The following TJP2 variants were observed in gnomAD, a reference collection of about 807,000 sequenced individuals.
TJP2 encodes tight junction protein 2, also known as Friedreich ataxia region gene X104 (tight junction protein ZO-2).
In TJP2, 91 loss-of-function variants were observed where a neutral mutation model predicts 133.1. The ratio of observed to expected loss-of-function variants is 0.68; its 90% CI spans 0.58 to 0.81. The LOEUF (loss-of-function observed/expected upper bound fraction) is 0.81. Ranked by LOEUF, TJP2 falls within the 40% of genes least tolerant of loss-of-function variation. TJP2 has a pLI of 0.00. For missense variants in TJP2, 1,541 were observed against 1,565.6 expected, an observed-to-expected ratio of 0.98 and a Z score of 0.26; for synonymous variants, 592 against 583.4, an observed-to-expected ratio of 1.01 and a Z score of -0.21.
chr9:69,154,491 A>G (rs1184613031), intron 2 of TJP2, among the ~76,000 whole-genome samples: 1 of 152,162 alleles, frequency 6.6e-6, no homozygotes. Flanking sequence ...GGCTTTGATT[A>G]TCACCTTTCT....
intron 17 of TJP2, among the ~76,000 whole-genome samples, chr9:69,244,192 A>G (rs1830767437): frequency 6.6e-6 from 1 of 151,504 alleles, no homozygotes; most frequent in African/African-American, 2.4e-5. Flanking sequence ...AGGAAAAAAA[A>G]AAAAAAAAAA....
intron 11 of TJP2, among the ~76,000 whole-genome samples, chr9:69,234,197 T>A (rs1829993163): frequency 1.3e-5 from 2 of 152,082 alleles, no homozygotes; most frequent in Admixed American, 1.3e-4. Context: ...TAAGGTGCGG[T>A]TGGCAGTATG....
At chr9:69,238,644 G>T in intron 15 of TJP2, 66 bp from the exon 16 acceptor site, 1 of 1,259,486 alleles carries the variant, frequency 7.9e-7, no homozygotes, top group Admixed American at 1.8e-5. Context: ...CTTGATGCTA[G>T]GTGGGAGTAT....
intron 1 of TJP2, among the ~76,000 whole-genome samples, chr9:69,151,084 T>C (rs1823450544): frequency 6.6e-6 from 1 of 152,108 alleles, no homozygotes; most frequent in Non-Finnish European, 1.5e-5. Flanking sequence ...AAAAATTAGA[T>C]TGGTGGTTGC....
At chr9:69,156,669 C>T (rs995312681) in intron 2 of TJP2, among the ~76,000 whole-genome samples, 15 of 151,404 alleles carry the variant, frequency 9.9e-5, no homozygotes, top group African/African-American at 3.6e-4. Flanking sequence ...GTAGCTGGGA[C>T]TACAGGCGCC....
chr9:69,203,631 T>TTTTTTTTTTG (rs71309247), intron 1 of TJP2, among the ~76,000 whole-genome samples: 1 of 138,886 alleles, frequency 7.2e-6, no homozygotes, highest in African/African-American at 2.6e-5. Context: ...TTTTTTTTTT[T>TTTTTTTTTTG]GAGACAGGGT....
intron 22 of TJP2, chr9:69,253,869 T>G: frequency 2.8e-6 from 1 of 355,800 alleles, no homozygotes; most frequent in Non-Finnish European, 5.4e-6. Flanking sequence ...CAACAAAGAG[T>G]TCTTGGTTAT....
chr9:69,238,608 A>G (rs1407374482), intron 15 of TJP2, 102 bp from the exon 16 acceptor site: 7 of 884,292 alleles, frequency 7.9e-6, no homozygotes, highest in Non-Finnish European at 1.1e-5. Flanking sequence ...GTTAGGAGAC[A>G]CTTAATGTCA....
At chr9:69,195,417 A>ATT (rs112744969) in intron 1 of TJP2, among the ~76,000 whole-genome samples, 41 of 145,974 alleles carry the variant, frequency 2.8e-4, no homozygotes, top group East Asian at 1.2e-3. Context: ...CTATCAGCTG[A>ATT]TTTTTTTTTT....
At chr9:69,235,941 G>T (rs1274699320) in intron 12 of TJP2, 87 bp from the exon 13 acceptor site, 7 of 1,258,976 alleles carry the variant, frequency 5.6e-6, no homozygotes, top group Middle Eastern at 1.8e-4. Context: ...GTAAAGGGGA[G>T]ATCAGAGATA....
rs1423712938 is a variant in TJP2, at chr9:69,193,459, G to C, written c.60+19027G>C. Among the ~76,000 whole-genome samples the C allele has an allele frequency of 3.3e-5, 5 of 149,442 alleles. No individual in the cohort carries two copies. The South Asian group carries it at 1.1e-3, about 32-fold the overall frequency. On this transcript the variant is annotated intron_variant, in intron 1 of 22. Coordinates refer to ENST00000377245, the MANE Select transcript of TJP2 (RefSeq NM_004817.4). ...CATATAATTTCTGCCAGTAATTTTT[G>C]TTTCTAGGCAAGTACGGACTTTTTG... is the stretch of plus-strand genomic sequence containing the variant.
At chr9:69,254,098 G>A (rs1831532613) in intron 22 of TJP2, 111 bp from the exon 23 acceptor site, 2 of 1,254,370 alleles carry the variant, frequency 1.6e-6, no homozygotes, top group South Asian at 1.2e-5. Context: ...TGGCTCAGAG[G>A]TAAGTGATCT....
chr9:69,195,837 G>A (rs1826521530), intron 1 of TJP2, among the ~76,000 whole-genome samples: 1 of 152,210 alleles, frequency 6.6e-6, no homozygotes, highest in South Asian at 2.1e-4. Context: ...TTATTGGGCT[G>A]TGTTGACTGG....
chr9:69,246,655 A>G (rs1478644367), intron 17 of TJP2, 35 bp from the exon 18 acceptor site: 2 of 1,570,420 alleles, frequency 1.3e-6, no homozygotes, highest in Admixed American at 3.3e-5. Flanking sequence ...TGCCTCTGGA[A>G]ATTAATGCAG....
At chr9:69,230,270 T>A (rs749824506) in intron 11 of TJP2, 38 bp downstream of exon 11, 3 of 1,613,240 alleles carry the variant, frequency 1.9e-6, no homozygotes, top group Non-Finnish European at 2.5e-6. Context: ...AAGTTACTTG[T>A]AAGGAGTGCA....
Position 69,213,432 on chromosome 9 carries a change from G to C in TJP2, c.114+831G>C, listed in dbSNP as rs141078996. Among the ~76,000 whole-genome samples the C allele has an allele frequency of 9.8e-3, 1,484 of 152,124 alleles. 19 individuals carry two copies. The highest frequency in any genetic ancestry group is 0.029 in the African/African-American group (1,209 of 41,522). ...TGTGATTTTCCTGGTTTTTCTGCAG[G>C]GTTTCTTCTTCTGGCTCTGAATTCC... On this transcript the variant is annotated intron_variant, in intron 2 of 22. Transcript: ENST00000377245.
At chr9:69,173,125 G>A (rs1314136725), upstream of TJP2, among the ~76,000 whole-genome samples, 2 of 152,186 alleles carry the variant, frequency 1.3e-5, no homozygotes, top group African/African-American at 4.8e-5. Context: ...AGGAAGTGAA[G>A]CAACTTTTCA....
chr9:69,248,495 T>C, intron 19 of TJP2: 2 of 1,312,424 alleles, frequency 1.5e-6, no homozygotes, highest in Non-Finnish European at 1.9e-6. Context: ...TGGCTTTAGG[T>C]GCCGTCTGTC....
chr9:69,173,988 G>T, upstream of TJP2: 1 of 985,308 alleles, frequency 1.0e-6, no homozygotes, highest in Non-Finnish European at 1.2e-6. Flanking sequence ...GGGGCTGCGG[G>T]CCGCTCGGGC....
Sources: gnomAD v4.1 joint callset for allele counts (sites outside exome capture counted in the v4.1 genomes callset) on GRCh38, gnomAD v4.1.1 for gene constraint, MANE v1.5 for transcripts, NCBI Gene and HGNC (gene_info 2026-07-23, HGNC 2026-07-21) for gene names.